DMD: variants seen among roughly 807,000 people sequenced by gnomAD.
DMD encodes mutant dystrophin.
A neutral mutation model predicts 330.1 loss-of-function variants in DMD; 63 were observed. That is an observed-to-expected ratio of 0.19 (90% CI 0.16 to 0.24). DMD has a LOEUF of 0.24. Ranked by LOEUF, DMD falls within the 10% of genes least tolerant of loss-of-function variation. The pLI is 1.00. For synonymous variants in DMD, 1,223 were observed against 959.8 expected (o/e 1.27, Z -5.07); for missense variants, 3,344 against 2,684.1 (o/e 1.25, Z -5.43).
chrX:32,837,048 G>A (rs2079713017), intron 4 of DMD, among the ~76,000 whole-genome samples: 1 of 111,615 alleles, frequency 9.0e-6, no homozygotes, highest in East Asian at 2.8e-4. Context: ...TCTACTCTCT[G>A]TCATCAAATA....
At chrX:31,168,001 G>A (rs1445575057) in intron 74 of DMD, among the ~76,000 whole-genome samples, 2 of 112,279 alleles carry the variant, frequency 1.8e-5, no homozygotes, top group African/African-American at 6.5e-5. Context: ...GCAAAAGACA[G>A]ATTTCTTCCA....
At chrX:33,262,227 C>T (rs1008778751) in intron 1 of DMD, among the ~76,000 whole-genome samples, 3 of 110,744 alleles carry the variant, frequency 2.7e-5, no homozygotes, top group Non-Finnish European at 5.7e-5. Flanking sequence ...CTGGATTGAA[C>T]AAGAAGATAA....
At chrX:32,403,691 G>C (rs1876226705) in intron 30 of DMD, among the ~76,000 whole-genome samples, 2 of 111,650 alleles carry the variant, frequency 1.8e-5, no homozygotes, top group Admixed American at 9.6e-5. Flanking sequence ...GCAACACATA[G>C]GGGTGGCCTT....
intron 45 of DMD, among the ~76,000 whole-genome samples, chrX:31,960,429 C>T (rs906414948): frequency 9.0e-6 from 1 of 111,355 alleles, no homozygotes; most frequent in Non-Finnish European, 1.9e-5. Flanking sequence ...TTAACAGAGC[C>T]TTTTTATACT....
intron 7 of DMD, among the ~76,000 whole-genome samples, chrX:32,737,102 T>C (rs2068610321): frequency 1.8e-5 from 2 of 108,547 alleles, no homozygotes; most frequent in Non-Finnish European, 3.8e-5. Context: ...TACCAAAAAA[T>C]AAAAATCACC....
At chrX:31,295,176 T>C (rs748669437) in intron 62 of DMD, among the ~76,000 whole-genome samples, 1 of 109,383 alleles carries the variant, frequency 9.1e-6, no homozygotes, top group Non-Finnish European at 1.9e-5. Context: ...TTTGTATTTT[T>C]AGTAGAGACT....
At chrX:31,309,478 T>C (rs1283815429) in intron 62 of DMD, among the ~76,000 whole-genome samples, 1 of 112,170 alleles carries the variant, frequency 8.9e-6, no homozygotes, top group Admixed American at 9.5e-5. Context: ...AGGAAAAATA[T>C]GTAGGCCCGC....
At chrX:32,193,715 A>G (rs1603628029) in intron 44 of DMD, among the ~76,000 whole-genome samples, 2 of 111,700 alleles carry the variant, frequency 1.8e-5, no homozygotes, top group Non-Finnish European at 3.8e-5. Context: ...TGACATCCCA[A>G]CTTGTTCTAG....
At position 32,196,145 on chromosome X, in the gene DMD, T is replaced by C. The variant is rs773949792; in HGVS notation, c.6438+20771A>G. Among the ~76,000 whole-genome samples, 22 of 112,523 alleles carry C rather than the reference T, an allele frequency of 2.0e-4. No individual in the cohort carries two copies. The South Asian group carries it at 4.0e-3, about 21-fold the overall frequency. Reference sequence around the variant, plus strand: ...AACTATTTTGGAAAAAAATGTACATTTCAGGCTCATTTCCAGTCCTAAACA... The same window carrying C: ...AACTATTTTGGAAAAAAATGTACATCTCAGGCTCATTTCCAGTCCTAAACA... On this transcript the variant is annotated intron_variant, in intron 44 of 78. Transcript: ENST00000357033.
chrX:32,479,357 A>G (rs927041770), intron 21 of DMD, among the ~76,000 whole-genome samples: 1 of 111,213 alleles, frequency 9.0e-6, no homozygotes, highest in East Asian at 2.8e-4. Flanking sequence ...ACCACGCAGT[A>G]CTAGAGATCG....
intron 1 of DMD, among the ~76,000 whole-genome samples, chrX:33,132,688 T>C (rs7058095): frequency 8.9e-6 from 1 of 112,527 alleles, no homozygotes; most frequent in Non-Finnish European, 1.9e-5. Flanking sequence ...ATAAAATAGC[T>C]TGGCAACATG....
intron 2 of DMD, among the ~76,000 whole-genome samples, chrX:32,913,641 G>A (rs1324285695): frequency 9.0e-6 from 1 of 111,443 alleles, no homozygotes; most frequent in Non-Finnish European, 1.9e-5. Context: ...TTTACCTCTG[G>A]CTTGATCAGC....
At chrX:32,797,524 A>G (rs748288051) in intron 7 of DMD, among the ~76,000 whole-genome samples, 1 of 112,626 alleles carries the variant, frequency 8.9e-6, no homozygotes, top group Non-Finnish European at 1.9e-5. Context: ...GATATCAACT[A>G]TAGAACACTT....
intron 62 of DMD, among the ~76,000 whole-genome samples, chrX:31,321,095 C>T (rs1291839258): frequency 1.8e-5 from 2 of 111,052 alleles, no homozygotes; most frequent in Admixed American, 9.6e-5. Flanking sequence ...AATAAAATTC[C>T]TGTTTTTTAA....
At chrX:32,803,630 A>G (rs1603429874) in intron 7 of DMD, among the ~76,000 whole-genome samples, 1 of 111,842 alleles carries the variant, frequency 8.9e-6, no homozygotes, top group East Asian at 2.8e-4. Flanking sequence ...ACACTTCTTT[A>G]GCTGTGTCCC....
intron 1 of DMD, among the ~76,000 whole-genome samples, chrX:33,098,212 A>G (rs1338299201): frequency 8.9e-6 from 1 of 111,774 alleles, no homozygotes; most frequent in Admixed American, 9.6e-5. Flanking sequence ...GTTTAGCGGA[A>G]GAGAAAACGA....
intron 62 of DMD, among the ~76,000 whole-genome samples, chrX:31,307,764 C>T (rs1311983731): frequency 1.8e-5 from 2 of 111,773 alleles, no homozygotes; most frequent in East Asian, 5.6e-4. Flanking sequence ...AACTTGAAGT[C>T]TTTTCTTCCC....
intron 52 of DMD, among the ~76,000 whole-genome samples, chrX:31,714,863 C>A (rs1429923848): frequency 1.8e-5 from 2 of 111,549 alleles, no homozygotes; most frequent in African/African-American, 3.3e-5. Flanking sequence ...GTATTATGGA[C>A]AGCCTGGTTA....
intron 1 of DMD, among the ~76,000 whole-genome samples, chrX:33,032,316 C>G (rs1374675227): frequency 8.9e-6 from 1 of 112,298 alleles, no homozygotes; most frequent in Admixed American, 9.5e-5. Context: ...GTACTCAATA[C>G]AAAATTGAAC....
Sources: gnomAD v4.1 joint callset for allele counts (sites outside exome capture counted in the v4.1 genomes callset) on GRCh38, gnomAD v4.1.1 for gene constraint, MANE v1.5 for transcripts, NCBI Gene and HGNC (gene_info 2026-07-23, HGNC 2026-07-21) for gene names.